Variants in NBAS observed in about 807,000 individuals in gnomAD.
The protein encoded by NBAS is NBAS subunit of NRZ tethering complex, also known as NAG/BC035112 fusion.
In NBAS, 219 loss-of-function variants were observed where a neutral mutation model predicts 302.5. That is an observed-to-expected ratio of 0.72 (90% CI 0.65 to 0.81). The LOEUF (loss-of-function observed/expected upper bound fraction) is 0.81, where lower values mean the gene tolerates loss of function less well. NBAS is among the 30% of genes least tolerant of loss of function. The pLI, the probability that NBAS is intolerant of heterozygous loss-of-function variation, is 0.00. For missense variants in NBAS, 2,932 were observed against 2,841.6 expected (o/e 1.03, Z -0.72); for synonymous variants, 1,118 against 1,021.6 (o/e 1.09, Z -1.80).
chr2:14,981,457 A>G, the NBAS span, among the ~76,000 whole-genome samples: 441 of 152,350 alleles, frequency 2.9e-3, 1 homozygote, highest in African/African-American at 0.01. Flanking sequence ...TTGTCAAGAA[A>G]CTATTGGGAG....
chr2:15,082,441 G>A, the NBAS span, among the ~76,000 whole-genome samples: 2 of 152,126 alleles, frequency 1.3e-5, no homozygotes, highest in Non-Finnish European at 2.9e-5. Context: ...CGTGACAGCA[G>A]ACCATCTAGA....
chr2:14,848,974 G>A, the NBAS span, among the ~76,000 whole-genome samples: 60 of 146,528 alleles, frequency 4.1e-4, no homozygotes, highest in Non-Finnish European at 6.8e-4. Context: ...CAAAGATGGG[G>A]AAAAAACAGA....
chr2:14,826,134 G>A, the NBAS span, among the ~76,000 whole-genome samples: 8 of 152,164 alleles, frequency 5.3e-5, no homozygotes, highest in Admixed American at 2.6e-4. Flanking sequence ...AATACACTGT[G>A]AACTAATGAG....
intron 18 of NBAS, 72 bp from the exon 19 acceptor site, chr2:15,467,479 G>A: frequency 7.1e-7 from 1 of 1,417,664 alleles, no homozygotes; most frequent in South Asian, 1.2e-5. Flanking sequence ...TAATGAAAAT[G>A]ATTAATATTC....
In NBAS at chr2:15,403,710, C is replaced by T. The variant is rs115229274; in HGVS notation, c.2938-1409G>A. Among the ~76,000 whole-genome samples the T allele has an allele frequency of 6.7e-3, 1,023 of 152,034 alleles. 12 individuals are homozygous for T. The highest frequency in any genetic ancestry group is 0.022 in the African/African-American group (921 of 41,448). ...TCCCCCCCAGATACTGAGGGATGAA[C>T]GTATTCATCTGAAAAATGTCATCTG... On this transcript the variant is annotated intron_variant, in intron 25 of 51. Coordinates refer to ENST00000281513, the MANE Select transcript of NBAS (RefSeq NM_015909.4).
the NBAS span, among the ~76,000 whole-genome samples, chr2:15,091,247 C>T: frequency 2.0e-5 from 3 of 151,810 alleles, no homozygotes; most frequent in African/African-American, 7.3e-5. Flanking sequence ...GCCTTGGGAG[C>T]TCTCTCAGAG....
chr2:15,374,603 C>G lies in NBAS; in HGVS notation c.3703+5G>C. 6.2e-7 allele frequency: 1 copy of G among 1,608,224 alleles called. No individual in the cohort carries two copies. The highest frequency in any genetic ancestry group is 8.5e-7 in the Non-Finnish European group (1 of 1,174,732). On this transcript the variant is annotated splice_donor_5th_base_variant and intron_variant, in intron 31 of 51. Coordinates refer to ENST00000281513, the MANE Select transcript of NBAS (RefSeq NM_015909.4). The stretch of plus-strand genomic sequence containing the variant: ...TAACAATGCAACAGTAAGTAGAAAA[C>G]TCACCTTGCAAAGGCAGGATCTTTA...
chr2:14,904,480 G>C, the NBAS span, among the ~76,000 whole-genome samples: 1 of 152,204 alleles, frequency 6.6e-6, no homozygotes. Flanking sequence ...GACTCAGCAA[G>C]TCGGCTTATC....
chr2:14,807,512 T>G, the NBAS span, among the ~76,000 whole-genome samples: 1 of 151,854 alleles, frequency 6.6e-6, no homozygotes. Flanking sequence ...GCAGGTCCCC[T>G]GTTGGGCTCA....
At chr2:15,085,410 A>C in the NBAS span, among the ~76,000 whole-genome samples, 5 of 151,988 alleles carry the variant, frequency 3.3e-5, no homozygotes, top group African/African-American at 4.8e-5. Flanking sequence ...GACACTCCCT[A>C]CAGTCAGGCC....
the NBAS span, among the ~76,000 whole-genome samples, chr2:15,053,147 C>T: frequency 0.017 from 2,525 of 152,152 alleles, 77 homozygotes; most frequent in African/African-American, 0.055. Flanking sequence ...ATTTGCAGCT[C>T]TTTATAAGCA....
At chr2:15,499,413 A>G (rs1681197698) in intron 11 of NBAS, among the ~76,000 whole-genome samples, 2 of 152,364 alleles carry the variant, frequency 1.3e-5, no homozygotes, top group Admixed American at 1.3e-4. Flanking sequence ...TACATGGAAT[A>G]TTATGCAGCC....
Position 15,504,197 on chromosome 2 carries a change from C to T in NBAS, c.902G>A (p.Gly301Glu). The T allele has an allele frequency of 1.9e-6, 3 of 1,612,816 alleles. No individual in the cohort carries two copies. Among genetic ancestry groups the T allele is most frequent in the Non-Finnish European group, 2.5e-6 (3 of 1,178,902 alleles). ...DGVTAVPKTL[G>E]LLRMLSVKFY... ...CTTGACACTTAACATCCTTAATAATCCCAGTGTCTTCGGTACCTGCAAAAT... is the reference window on the plus strand; with the variant it reads ...CTTGACACTTAACATCCTTAATAATTCCAGTGTCTTCGGTACCTGCAAAAT... The change falls in exon 11 of 52, where the codon GGA becomes GAA. Residue 301 changes from glycine to glutamate, a missense_variant. By Grantham distance (98) the Gly-to-Glu change is moderately conservative (BLOSUM62 -2). Transcript: ENST00000281513.
At chr2:15,247,835 T>C (rs1206312518) in intron 44 of NBAS, among the ~76,000 whole-genome samples, 1 of 151,994 alleles carries the variant, frequency 6.6e-6, no homozygotes, top group South Asian at 2.1e-4. Flanking sequence ...CAAAGAGACT[T>C]AGACTCCCAC....
At chr2:15,500,506 A>T (rs1040884978) in intron 11 of NBAS, among the ~76,000 whole-genome samples, 1 of 143,986 alleles carries the variant, frequency 6.9e-6, no homozygotes, top group Admixed American at 6.9e-5. Flanking sequence ...GAAGTCTCAC[A>T]CACACACACA....
chr2:15,396,275 A>G, intron 27 of NBAS, 138 bp downstream of exon 27: 1 of 637,426 alleles, frequency 1.6e-6, no homozygotes, highest in Non-Finnish European at 2.7e-6. Context: ...TGTTGTTGAG[A>G]AAATTCACTC....
At chr2:15,484,628 C>T (rs1038023834) in intron 12 of NBAS, among the ~76,000 whole-genome samples, 1 of 152,156 alleles carries the variant, frequency 6.6e-6, no homozygotes, top group Non-Finnish European at 1.5e-5. Flanking sequence ...TACACAAATA[C>T]TATTTATTTC....
chr2:15,301,881 G>T (rs1670813206), intron 40 of NBAS, among the ~76,000 whole-genome samples: 1 of 152,158 alleles, frequency 6.6e-6, no homozygotes, highest in African/African-American at 2.4e-5. Context: ...GAAGGATGAA[G>T]TTGGAAAAAC....
chr2:14,925,709 G>A, the NBAS span, among the ~76,000 whole-genome samples: 1 of 152,028 alleles, frequency 6.6e-6, no homozygotes, highest in African/African-American at 2.4e-5. Flanking sequence ...CTGCCTCCTC[G>A]GTGATTCATT....
Sources: gnomAD v4.1 joint callset for allele counts (sites outside exome capture counted in the v4.1 genomes callset) on GRCh38, gnomAD v4.1.1 for gene constraint, MANE v1.5 for transcripts, NCBI Gene and HGNC (gene_info 2026-07-23, HGNC 2026-07-21) for gene names.